TENM2: variants seen among roughly 807,000 people sequenced by gnomAD.
TENM2 encodes teneurin transmembrane protein 2, also known as teneurin-2.
A neutral mutation model predicts 245.2 loss-of-function variants in TENM2; 52 were observed. That is an observed-to-expected ratio of 0.21 (90% confidence interval 0.17 to 0.27). TENM2 has a LOEUF of 0.27. Among genes scored for constraint, TENM2 ranks in the 10% least tolerant of loss-of-function variants. TENM2 has a pLI of 1.00. For synonymous variants in TENM2, 1,363 were observed against 1,438.9 expected (o/e 0.95, Z 1.19); for missense variants, 3,046 against 3,666.8 (o/e 0.83, Z 4.37).
chr5:167,995,659 C>T (rs1462662336), intron 5 of TENM2, among the ~76,000 whole-genome samples: 1 of 152,176 alleles, frequency 6.6e-6, no homozygotes, highest in Non-Finnish European at 1.5e-5. Flanking sequence ...TGTTTGCCTT[C>T]TGGGTCTTGG....
intron 2 of TENM2, among the ~76,000 whole-genome samples, chr5:167,819,900 A>G (rs1190361838): frequency 1.3e-5 from 2 of 152,206 alleles, no homozygotes; most frequent in Admixed American, 6.5e-5. Context: ...CCATCCAGCT[A>G]GGAAGGTTAG....
At chr5:167,480,610 C>T (rs1026941569) in intron 2 of TENM2, among the ~76,000 whole-genome samples, 3 of 152,224 alleles carry the variant, frequency 2.0e-5, no homozygotes, top group Non-Finnish European at 4.4e-5. Context: ...TAGATGATTG[C>T]GATGTAAATG....
At chr5:167,033,564 G>A in the TENM2 span, among the ~76,000 whole-genome samples, 1 of 152,016 alleles carries the variant, frequency 6.6e-6, no homozygotes, top group Non-Finnish European at 1.5e-5. Context: ...ATTTCTTTTT[G>A]TTGAACATGC....
rs903610957 is a variant in TENM2 at position 167,377,273 on chromosome 5, G to T, written c.502+1800G>T. Among the ~76,000 whole-genome samples, 3 of 152,200 alleles carry T rather than the reference G, an allele frequency of 2.0e-5. No homozygotes were observed. The South Asian group carries it at 6.2e-4, about 32-fold the overall frequency. On this transcript the variant is annotated intron_variant, in intron 2 of 28. Coordinates refer to ENST00000518659, the Ensembl canonical transcript of TENM2. ...TAATTTTTACTTTCTGCGAGTCTAT[G>T]TAAATCCCTGCATACTGATAAGAAA... is the stretch of plus-strand genomic sequence containing the variant.
chr5:168,036,317 T>C (rs1272294388), intron 5 of TENM2, among the ~76,000 whole-genome samples: 2 of 152,326 alleles, frequency 1.3e-5, no homozygotes, highest in East Asian at 3.9e-4. Flanking sequence ...TGTGTGTGAC[T>C]TGAGTGTCAC....
chr5:167,438,415 A>G (rs1016115171), intron 2 of TENM2, among the ~76,000 whole-genome samples: 1 of 152,192 alleles, frequency 6.6e-6, no homozygotes, highest in African/African-American at 2.4e-5. Context: ...TGCAATCAAC[A>G]TACTAAATGG....
At chr5:167,385,572 T>C (rs753149917) in intron 2 of TENM2, among the ~76,000 whole-genome samples, 1 of 151,780 alleles carries the variant, frequency 6.6e-6, no homozygotes, top group African/African-American at 2.4e-5. Context: ...GTGAGTTCTT[T>C]AGTGGTGATT....
At chr5:167,247,547 A>C in the TENM2 span, among the ~76,000 whole-genome samples, 1 of 152,320 alleles carries the variant, frequency 6.6e-6, no homozygotes, top group African/African-American at 2.4e-5. Flanking sequence ...TGCTTAAAAT[A>C]GAAACCCCAA....
chr5:167,545,141 G>A (rs945038418), intron 2 of TENM2, among the ~76,000 whole-genome samples: 1 of 152,108 alleles, frequency 6.6e-6, no homozygotes, highest in African/African-American at 2.4e-5. Flanking sequence ...TTTGAACTGA[G>A]GATTGGTGGT....
chr5:167,264,420 T>G, the TENM2 span, among the ~76,000 whole-genome samples: 2 of 152,178 alleles, frequency 1.3e-5, no homozygotes, highest in Non-Finnish European at 2.9e-5. Flanking sequence ...ATACGTGAAA[T>G]AATTTAGCTG....
intron 12 of TENM2, chr5:168,130,340 C>G (rs3748): frequency 2.0e-5 from 3 of 151,988 alleles, no homozygotes; most frequent in Admixed American, 1.3e-4. Flanking sequence ...TGTTATATAA[C>G]CTTTTCCTTA....
intron 2 of TENM2, among the ~76,000 whole-genome samples, chr5:167,445,336 T>TATATATATATATAGAGAG (rs368881390): frequency 3.9e-5 from 3 of 77,316 alleles, no homozygotes; most frequent in African/African-American, 1.7e-4. Flanking sequence ...TATATATATA[T>TATATATATATATAGAGAG]AGAGAGAGAG....
chr5:167,624,014 A>G (rs1201001670), intron 2 of TENM2, among the ~76,000 whole-genome samples: 2 of 152,268 alleles, frequency 1.3e-5, no homozygotes, highest in East Asian at 3.9e-4. Context: ...CAATTTGGGG[A>G]TTTCTCAAAG....
At chr5:167,862,736 C>G (rs183547311) in intron 2 of TENM2, among the ~76,000 whole-genome samples, 117 of 152,264 alleles carry the variant, frequency 7.7e-4, no homozygotes, top group Non-Finnish European at 1.5e-3. Flanking sequence ...CTGACCTTGA[C>G]GAAGAAAGTA....
intron 9 of TENM2, among the ~76,000 whole-genome samples, chr5:168,100,497 A>G (rs1185969832): frequency 1.3e-5 from 2 of 152,246 alleles, no homozygotes; most frequent in African/African-American, 4.8e-5. Flanking sequence ...ATGCCCATCA[A>G]TAATAGACTG....
At chr5:168,221,848 G>T (rs1033746286) in intron 23 of TENM2, among the ~76,000 whole-genome samples, 2 of 152,172 alleles carry the variant, frequency 1.3e-5, no homozygotes, top group Non-Finnish European at 2.9e-5. Flanking sequence ...TGACAGGGGT[G>T]TGGAGTCCAT....
chr5:167,377,422 G>A (rs927267125), intron 2 of TENM2, among the ~76,000 whole-genome samples: 1 of 152,082 alleles, frequency 6.6e-6, no homozygotes, highest in Non-Finnish European at 1.5e-5. Context: ...GGCTGGCAAG[G>A]CACAAAGGAG....
At chr5:167,717,172 C>G (rs187641018) in intron 2 of TENM2, among the ~76,000 whole-genome samples, 2 of 151,806 alleles carry the variant, frequency 1.3e-5, no homozygotes, top group African/African-American at 4.8e-5. Flanking sequence ...GCCAGGCTGG[C>G]CTCGAACTCC....
At chr5:167,253,827 C>T in the TENM2 span, among the ~76,000 whole-genome samples, 6 of 151,968 alleles carry the variant, frequency 3.9e-5, no homozygotes, top group African/African-American at 1.4e-4. Flanking sequence ...AGAGTAGTAA[C>T]AACCTAAATT....
Sources: allele counts gnomAD v4.1 joint callset (sites outside exome capture counted in the v4.1 genomes callset), GRCh38; gene constraint gnomAD v4.1.1; transcripts MANE v1.5; gene names NCBI Gene and HGNC (gene_info 2026-07-23, HGNC 2026-07-21).